Variants in IQUB observed in about 807,000 individuals in gnomAD.
IQUB encodes the protein IQ motif and ubiquitin domain containing.
In IQUB, 86 loss-of-function variants were observed where a neutral mutation model predicts 86.4. That is an observed-to-expected ratio of 1.00 (90% CI 0.84 to 1.19). IQUB has a LOEUF of 1.19. Ranked by LOEUF, IQUB falls within the 50% of genes most tolerant of loss-of-function variation. IQUB has a pLI of 0.00. For synonymous variants in IQUB, 289 were observed against 304.5 expected, an observed-to-expected ratio of 0.95 and a Z score of 0.53; for missense variants, 946 against 916.9, an observed-to-expected ratio of 1.03 and a Z score of -0.41.
intron 9 of IQUB, among the ~76,000 whole-genome samples, chr7:123,467,054 G>A (rs1794296937): frequency 6.6e-6 from 1 of 151,786 alleles, no homozygotes; most frequent in Non-Finnish European, 1.5e-5. Flanking sequence ...TACCTGTATT[G>A]CCCACTTATT....
intron 1 of IQUB, among the ~76,000 whole-genome samples, chr7:123,521,890 T>C (rs1304171897): frequency 6.6e-6 from 1 of 152,194 alleles, no homozygotes; most frequent in East Asian, 1.9e-4. Flanking sequence ...TCAAGGTTTC[T>C]AAGTCATGAC....
chr7:123,474,954 C>A (rs1371363485), intron 8 of IQUB, among the ~76,000 whole-genome samples: 1 of 152,150 alleles, frequency 6.6e-6, no homozygotes, highest in Non-Finnish European at 1.5e-5. Context: ...TTGTGGCTAA[C>A]TTCATCCTTC....
At chr7:123,477,831 A>T (rs1446800700) in intron 8 of IQUB, among the ~76,000 whole-genome samples, 1 of 152,246 alleles carries the variant, frequency 6.6e-6, no homozygotes, top group Non-Finnish European at 1.5e-5. Flanking sequence ...GCCAACAGAC[A>T]CATGAAAAAA....
chr7:123,479,829 T>C lies in IQUB; in HGVS notation c.1376A>G (p.Asn459Ser). 6.2e-7 allele frequency: 1 copy of C among 1,612,482 alleles called. No individual in the cohort carries two copies. Among genetic ancestry groups the C allele is most frequent in the Non-Finnish European group, 8.5e-7 (1 of 1,179,228 alleles). The change falls in exon 8 of 13, where the codon AAT (asparagine) becomes AGT (serine). Residue 459 changes from asparagine to serine, a missense_variant. Asn to Ser is a conservative substitution (Grantham distance 46). Transcript: ENST00000324698. ...GRHRYIAYMA[N>S]QEAAIQAFLD... ...AAAAGCTTGTATTGCTGCTTCCTGA[T>C]TTGCCATATAAGCAATGTATCTATG...
At chr7:123,453,286 T>A (rs866986435) in intron 12 of IQUB, among the ~76,000 whole-genome samples, 19 of 115,470 alleles carry the variant, frequency 1.6e-4, no homozygotes, top group African/African-American at 4.0e-4. Context: ...ATATATATAT[T>A]ATTAATGTTA....
At chr7:123,521,720 T>C (rs766303888) in intron 1 of IQUB, among the ~76,000 whole-genome samples, 1 of 151,766 alleles carries the variant, frequency 6.6e-6, no homozygotes, top group Non-Finnish European at 1.5e-5. Context: ...ATTGTATGTA[T>C]AGTAGTGCCT....
rs759935437 is a variant in IQUB at position 123,461,483 on chromosome 7, G to C, written c.1881C>G (p.Asn627Lys). ...STSRRIYRCR[N>K]CINLQNEAQK... is the part of the protein sequence containing the mutation. ...GAGCCTCATTCTGAAGGTTAATGCAGTTACGACACCGGTATATGCGGCGTG... is the reference window on the plus strand; with the variant it reads ...GAGCCTCATTCTGAAGGTTAATGCACTTACGACACCGGTATATGCGGCGTG... The change falls in exon 11 of 13, where the codon AAC (asparagine) becomes AAG (lysine). Residue 627 changes from asparagine to lysine, a missense_variant. Physicochemically the swap from Asn to Lys is moderately conservative, Grantham distance 94 (BLOSUM62 0). Coordinates refer to ENST00000324698, the MANE Select transcript of IQUB (RefSeq NM_178827.5). The C allele has an allele frequency of 1.8e-5, 29 of 1,612,362 alleles. No homozygotes were observed. The East Asian group carries it at 4.9e-4, about 27-fold the overall frequency.
intron 1 of IQUB, among the ~76,000 whole-genome samples, chr7:123,534,220 G>A (rs530527993): frequency 2.6e-5 from 4 of 152,324 alleles, no homozygotes; most frequent in South Asian, 2.1e-4. Flanking sequence ...AGCACCCAGG[G>A]TGTGAGGTGA....
At chr7:123,453,644 T>C (rs565158083) in intron 12 of IQUB, among the ~76,000 whole-genome samples, 125 of 152,046 alleles carry the variant, frequency 8.2e-4, no homozygotes, top group African/African-American at 2.9e-3. Context: ...AAAAGTGAGA[T>C]GGCCTGAATT....
chr7:123,504,846 C>A (rs913083456), intron 3 of IQUB, among the ~76,000 whole-genome samples: 1 of 152,140 alleles, frequency 6.6e-6, no homozygotes, highest in Non-Finnish European at 1.5e-5. Context: ...CTTAACAGTC[C>A]CCCAAGTATT....
rs1795228642 is a variant in IQUB at position 123,486,797 on chromosome 7, T to C, written c.1235-6827A>G. Among the ~76,000 whole-genome samples the C allele has an allele frequency of 2.6e-5, 4 of 152,214 alleles. No individual in the cohort carries two copies. In the South Asian group the frequency reaches 8.3e-4, roughly 31 times the overall value. On this transcript the variant is annotated intron_variant, in intron 7 of 12. Transcript: ENST00000324698. ...AGTCAAGAATAATGAAGGCACATGC[T>C]CTATCAGGACTCCTGGGCTTTGGAG...
intron 1 of IQUB, among the ~76,000 whole-genome samples, chr7:123,527,459 G>T (rs574021830): frequency 6.6e-6 from 1 of 152,164 alleles, no homozygotes; most frequent in Admixed American, 6.5e-5. Context: ...TCTACTTTTG[G>T]TCTTTGATGA....
intron 7 of IQUB, among the ~76,000 whole-genome samples, chr7:123,481,174 G>T (rs749693419): frequency 1.2e-4 from 18 of 152,190 alleles, no homozygotes; most frequent in Non-Finnish European, 2.1e-4. Flanking sequence ...AGCCTGTGAG[G>T]CAACACGGCG....
chr7:123,515,753 A>G (rs1201047564), intron 1 of IQUB, among the ~76,000 whole-genome samples: 2 of 152,252 alleles, frequency 1.3e-5, no homozygotes. Flanking sequence ...GCTCTCTAAT[A>G]GCAAGTGCTA....
intron 8 of IQUB, among the ~76,000 whole-genome samples, chr7:123,473,566 GT>G (rs908207001): frequency 6.6e-6 from 1 of 151,648 alleles, no homozygotes; most frequent in Non-Finnish European, 1.5e-5. Context: ...GAGTTCTTTT[GT>G]TTTTTTGTTT....
intron 12 of IQUB, 200 bp downstream of exon 12, chr7:123,457,181 T>A: frequency 1.0e-6 from 1 of 970,762 alleles, no homozygotes; most frequent in Non-Finnish European, 1.2e-6. Context: ...ACTTGTAATA[T>A]GTTCAAATCT....
intron 8 of IQUB, among the ~76,000 whole-genome samples, chr7:123,469,663 A>C (rs1003260835): frequency 1.3e-5 from 2 of 152,152 alleles, no homozygotes; most frequent in Non-Finnish European, 2.9e-5. Flanking sequence ...TGTTTGAGAG[A>C]TGTATGGAAT....
At chr7:123,509,843 T>A in intron 3 of IQUB, 58 bp downstream of exon 3, 2 of 1,414,784 alleles carry the variant, frequency 1.4e-6, no homozygotes, top group Non-Finnish European at 1.9e-6. Flanking sequence ...AAGATCTTGA[T>A]TGTTTACATG....
In IQUB at chr7:123,479,974, G is replaced by C. The variant is rs750960345; in HGVS notation, c.1235-4C>G. 13 of 1,604,124 alleles carry C rather than the reference G, an allele frequency of 8.1e-6. No individual in the cohort carries two copies. Among genetic ancestry groups the C allele is most frequent in the Non-Finnish European group, 1.1e-5 (13 of 1,175,886 alleles). ...GTAAGTTCTTCTTGCCGCCAGACTAGAGGAATAACACAATAGACTCTTGAG... is the reference window on the plus strand; with the variant it reads ...GTAAGTTCTTCTTGCCGCCAGACTACAGGAATAACACAATAGACTCTTGAG... On this transcript the variant is annotated splice_polypyrimidine_tract_variant and splice_region_variant and intron_variant, in intron 7 of 12. Coordinates refer to ENST00000324698, the MANE Select transcript of IQUB (RefSeq NM_178827.5).
Sources: gnomAD v4.1 joint callset for allele counts (sites outside exome capture counted in the v4.1 genomes callset) on GRCh38, gnomAD v4.1.1 for gene constraint, MANE v1.5 for transcripts, NCBI Gene and HGNC (gene_info 2026-07-23, HGNC 2026-07-21) for gene names.